Variants in PIWIL2 observed in about 807,000 individuals in gnomAD.
The protein encoded by PIWIL2 is piwi like RNA-mediated gene silencing 2.
A neutral mutation model predicts 116.5 loss-of-function variants in PIWIL2; 81 were observed. The ratio of observed to expected loss-of-function variants is 0.70; its 90% CI spans 0.58 to 0.84. The LOEUF (loss-of-function observed/expected upper bound fraction) is 0.84. Ranked by LOEUF, PIWIL2 falls within the 40% of genes least tolerant of loss-of-function variation. The pLI is 0.00. For synonymous variants in PIWIL2, 489 were observed against 429.5 expected (o/e 1.14, Z -1.71); for missense variants, 1,272 against 1,212.3 (o/e 1.05, Z -0.73).
chr8:22,283,071 C>T lies in PIWIL2; in HGVS notation c.463C>T (p.Pro155Ser). ...AGGGAGTTCAGATGCGTCTTTATTACCACTGGGAAGAGCAGCAGGTGGTAT... is the reference window on the plus strand; with the variant it reads ...AGGGAGTTCAGATGCGTCTTTATTATCACTGGGAAGAGCAGCAGGTGGTAT... ...GRGSSDASLLPLGRAAGGISR... is the reference protein window; with the variant it reads ...GRGSSDASLLSLGRAAGGISR... Residue 155 changes from proline (P) to serine (S), a missense_variant, in exon 5 of 23, where the codon CCA becomes TCA. Physicochemically the swap from Pro to Ser is moderately conservative, Grantham distance 74. Coordinates refer to ENST00000356766, the MANE Select transcript of PIWIL2 (RefSeq NM_018068.5). 1 of 1,614,142 alleles carries T rather than the reference C, an allele frequency of 6.2e-7. No individual in the cohort carries two copies. The highest frequency in any genetic ancestry group is 8.5e-7 in the Non-Finnish European group (1 of 1,180,010).
chr8:22,308,144 TTTG>T, intron 14 of PIWIL2, 71 bp downstream of exon 14: 1 of 1,296,850 alleles, frequency 7.7e-7, no homozygotes, highest in Admixed American at 2.1e-5. Flanking sequence ...TGACTTTCCT[TTTG>T]TTGTCAGTAT....
Position 22,279,536 on chromosome 8 carries a change from A to G in PIWIL2, c.150A>G (p.Val50=), listed in dbSNP as rs142118511. ...GAGCACCTGCAGGCAGAGGCCATGT[A>G]TTTGGAAAGCCAGAGGAACCAAGCA... ...GRGAPAGRGH[V]FGKPEEPSTQ... The change falls in exon 2 of 23, where the codon GTA becomes GTG. Residue 50 remains valine (V), a synonymous_variant. Transcript: ENST00000356766. The G allele has an allele frequency of 1.0e-4, 164 of 1,614,076 alleles. 1 individual carries two copies. Among genetic ancestry groups the G allele is most frequent in the Non-Finnish European group, 1.3e-4 (148 of 1,180,044 alleles).
chr8:22,309,345 A>T (rs920889300), intron 14 of PIWIL2, among the ~76,000 whole-genome samples: 5 of 152,024 alleles, frequency 3.3e-5, no homozygotes, highest in East Asian at 3.9e-4. Context: ...TTATTTATTT[A>T]AAAAAGTTTT....
intron 2 of PIWIL2, among the ~76,000 whole-genome samples, chr8:22,280,295 G>T (rs1267017786): frequency 1.3e-5 from 2 of 152,076 alleles, no homozygotes; most frequent in Non-Finnish European, 2.9e-5. Flanking sequence ...TGTTCATTTT[G>T]GAAGGCTCAT....
intron 20 of PIWIL2, among the ~76,000 whole-genome samples, chr8:22,325,792 G>C (rs1831711707): frequency 6.6e-6 from 1 of 151,828 alleles, no homozygotes. Flanking sequence ...CCTTGTTTTA[G>C]TCCTTTCATA....
chr8:22,344,697 A>G (rs1245356787), intron 20 of PIWIL2, among the ~76,000 whole-genome samples: 3 of 152,232 alleles, frequency 2.0e-5, no homozygotes, highest in Non-Finnish European at 2.9e-5. Flanking sequence ...GGAGACCCCT[A>G]TCTCTACAAA....
intron 21 of PIWIL2, 124 bp from the exon 22 acceptor site, chr8:22,354,147 C>T (rs913603152): frequency 1.5e-6 from 1 of 669,622 alleles, no homozygotes; most frequent in Non-Finnish European, 2.7e-6. Flanking sequence ...GCCTCTGTGT[C>T]CTTGATCCAG....
chr8:22,357,204 G>A lies in PIWIL2; in HGVS notation c.*1699G>A, dbSNP rs1832507399. 2.0e-5 allele frequency: 3 copies of A among 152,080 alleles called. No homozygotes were observed. Among genetic ancestry groups the A allele is most frequent in the Non-Finnish European group, 2.9e-5 (2 of 68,016 alleles). The allele number at this position is 152,080 out of a possible 1,614,324, so 9.4% of individuals were successfully genotyped here. ...ACCAAGAATGTTTTTGGTTTGTTGC[G>A]GTGCCCAGCCGAGGTTGAGGAGGGA... On this transcript the variant is annotated 3_prime_UTR_variant, in exon 23 of 23. Coordinates refer to ENST00000356766, the MANE Select transcript of PIWIL2 (RefSeq NM_018068.5).
chr8:22,309,847 T>C, intron 14 of PIWIL2, 114 bp from the exon 15 acceptor site: 1 of 609,360 alleles, frequency 1.6e-6, no homozygotes, highest in Middle Eastern at 2.6e-4. Flanking sequence ...TCAAAAGTTC[T>C]AACAGGGACA....
chr8:22,349,104 A>T (rs1399753481), intron 20 of PIWIL2, among the ~76,000 whole-genome samples: 2 of 145,070 alleles, frequency 1.4e-5, no homozygotes, highest in Admixed American at 1.4e-4. Context: ...GCTGGAGTGC[A>T]GAGGCACAAA....
rs759986497 is a variant in PIWIL2 at position 22,288,573 on chromosome 8, A to G, written c.893A>G (p.Asp298Gly). The change falls in exon 8 of 23, where the codon GAC becomes GGC. Residue 298 changes from aspartate (D) to glycine (G), a missense_variant. Transcript: ENST00000356766. The part of the protein sequence containing the change: ...VLELKSQRKT[D>G]SAEISIKIQM... ...GAGTTAAAAAGTCAAAGGAAAACAG[A>G]CAGTGCTGAAATCAGCATTAAGATT... The G allele has an allele frequency of 3.7e-6, 6 of 1,611,340 alleles. No individual in the cohort carries two copies. The highest frequency in any genetic ancestry group is 5.1e-6 in the Non-Finnish European group (6 of 1,177,610).
At position 22,289,834 on chromosome 8, in the gene PIWIL2, C is replaced by T; in HGVS notation, c.987-13C>T. On this transcript the variant is annotated splice_polypyrimidine_tract_variant and intron_variant, in intron 8 of 22. Coordinates refer to ENST00000356766, the MANE Select transcript of PIWIL2 (RefSeq NM_018068.5). Reference sequence around the variant, plus strand: ...TCTTCTATTAGAAAACTCATACTTGCTTTTTATTTCAGGGTAATGAAACTT... The same window carrying T: ...TCTTCTATTAGAAAACTCATACTTGTTTTTTATTTCAGGGTAATGAAACTT... The T allele has an allele frequency of 6.5e-7, 1 of 1,540,402 alleles. No individual in the cohort carries two copies. The highest frequency in any genetic ancestry group is 9.0e-7 in the Non-Finnish European group (1 of 1,114,042).
At chr8:22,338,547 C>T (rs994509726) in intron 20 of PIWIL2, among the ~76,000 whole-genome samples, 36 of 152,098 alleles carry the variant, frequency 2.4e-4, no homozygotes, top group African/African-American at 8.7e-4. Context: ...AAAAGAACAG[C>T]TGGGTGTGGT....
intron 10 of PIWIL2, among the ~76,000 whole-genome samples, chr8:22,300,002 C>T (rs567918105): frequency 1.3e-5 from 2 of 151,858 alleles, no homozygotes; most frequent in Non-Finnish European, 2.9e-5. Context: ...TGCAATGGTG[C>T]GATCTCAGCT....
intron 10 of PIWIL2, among the ~76,000 whole-genome samples, chr8:22,292,102 G>A (rs569814363): frequency 1.2e-4 from 19 of 152,294 alleles, no homozygotes; most frequent in Admixed American, 8.5e-4. Flanking sequence ...AAACAGGCCT[G>A]GTGCAGGCAC....
At chr8:22,314,060 A>G (rs1831395126) in intron 16 of PIWIL2, among the ~76,000 whole-genome samples, 1 of 152,206 alleles carries the variant, frequency 6.6e-6, no homozygotes, top group Non-Finnish European at 1.5e-5. Context: ...TGAGTCTTCT[A>G]ATAGATAAAT....
intron 20 of PIWIL2, among the ~76,000 whole-genome samples, chr8:22,344,606 G>T (rs928530694): frequency 6.6e-6 from 1 of 152,160 alleles, no homozygotes; most frequent in Non-Finnish European, 1.5e-5. Flanking sequence ...GATGGCTCAT[G>T]CCTGTAATCC....
intron 20 of PIWIL2, among the ~76,000 whole-genome samples, chr8:22,351,482 T>TATAA (rs1401638608): frequency 1.7e-5 from 2 of 115,714 alleles, no homozygotes; most frequent in African/African-American, 6.2e-5. Context: ...TATATATATA[T>TATAA]AATTTATATC....
chr8:22,279,452 A>ACATC lies in PIWIL2; in HGVS notation c.67_68insATCC (p.Arg23HisfsTer12). 1 of 1,614,072 alleles carries ACATC rather than the reference A, an allele frequency of 6.2e-7. No homozygotes were observed. Among genetic ancestry groups the ACATC allele is most frequent in the South Asian group, 1.1e-5 (1 of 91,086 alleles). On this transcript the variant is annotated frameshift_variant, in exon 2 of 23. Coordinates refer to ENST00000356766, the MANE Select transcript of PIWIL2 (RefSeq NM_018068.5). LOFTEE classifies it high-confidence loss of function. ...TCCACCCATCCCAGTGCCAGGCTGT[A>ACATC]CGGATGCCAGGCTGTTGGCCACAAG...
Sources: gnomAD v4.1 joint callset for allele counts (sites outside exome capture counted in the v4.1 genomes callset) on GRCh38, gnomAD v4.1.1 for gene constraint, MANE v1.5 for transcripts, NCBI Gene and HGNC (gene_info 2026-07-23, HGNC 2026-07-21) for gene names.